L3MBTL3: variants seen among roughly 807,000 people sequenced by gnomAD.
L3MBTL3 encodes the protein L3MBTL histone methyl-lysine binding protein 3.
Under a neutral mutation model 102.3 loss-of-function variants are expected in L3MBTL3, and 27 were observed. That is an observed-to-expected ratio of 0.26 (90% CI 0.19 to 0.36). The LOEUF is 0.36. Among genes scored for constraint, L3MBTL3 ranks in the 10% least tolerant of loss-of-function variants. The probability of loss-of-function intolerance (pLI) is 1.00; values close to 1 mark genes in which losing one functional copy is unlikely to be tolerated. For synonymous variants in L3MBTL3, 340 were observed against 320.9 expected (o/e 1.06, Z -0.64); for missense variants, 798 against 955.3 (o/e 0.84, Z 2.17).
chr6:130,092,658 A>C (rs1484760629), intron 16 of L3MBTL3, 87 bp from the exon 17 acceptor site: 1 of 741,784 alleles, frequency 1.3e-6, no homozygotes, highest in Non-Finnish European at 2.4e-6. Flanking sequence ...ATGTGTTAGA[A>C]TGAAAATGGT....
At chr6:130,119,252 G>T (rs1346817099) in intron 19 of L3MBTL3, among the ~76,000 whole-genome samples, 1 of 152,110 alleles carries the variant, frequency 6.6e-6, no homozygotes, top group Non-Finnish European at 1.5e-5. Context: ...CCAATTTTAA[G>T]TTATATGACT....
rs772047415 is a variant in L3MBTL3 at position 130,055,216 on chromosome 6, C to T, written c.628C>T (p.Arg210Trp). 9 of 1,613,528 alleles carry T rather than the reference C, an allele frequency of 5.6e-6. No homozygotes were observed. Among genetic ancestry groups the T allele is most frequent in the East Asian group, 2.2e-5 (1 of 44,846 alleles). ...VRILRGSQRARRKRRGDSAVL... is the reference protein window; with the variant it reads ...VRILRGSQRAWRKRRGDSAVL... ...AATCCTGAGGGGTTCGCAGAGAGCACGGAGGAAAAGACGAGGGGATTCGGC... is the reference window on the plus strand; with the variant it reads ...AATCCTGAGGGGTTCGCAGAGAGCATGGAGGAAAAGACGAGGGGATTCGGC... The change falls in exon 8 of 23, where the codon CGG becomes TGG. Residue 210 changes from arginine to tryptophan, a missense_variant. Physicochemically the swap from Arg to Trp is moderately radical, Grantham distance 101. Around this residue, in one of 4 missense-constraint regions of L3MBTL3, gnomAD observed 434 missense variants for 506.6 expected, o/e 0.86. Coordinates refer to ENST00000361794, the MANE Select transcript of L3MBTL3 (RefSeq NM_032438.4).
chr6:130,024,602 A>T (rs1029249982), intron 2 of L3MBTL3, among the ~76,000 whole-genome samples: 7 of 152,128 alleles, frequency 4.6e-5, no homozygotes, highest in African/African-American at 1.4e-4. Flanking sequence ...TGCAGTTAGG[A>T]TGGGGAATTT....
intron 19 of L3MBTL3, among the ~76,000 whole-genome samples, chr6:130,111,237 A>G (rs1242368090): frequency 6.6e-6 from 1 of 152,240 alleles, no homozygotes; most frequent in African/African-American, 2.4e-5. Context: ...CATGGACAGC[A>G]GGAACACAGA....
At chr6:130,091,094 TATA>T (rs1358326391) in intron 16 of L3MBTL3, among the ~76,000 whole-genome samples, 3 of 152,208 alleles carry the variant, frequency 2.0e-5, no homozygotes, top group Admixed American at 2.0e-4. Flanking sequence ...CATTTTATTT[TATA>T]ATACTTGCCA....
intron 13 of L3MBTL3, among the ~76,000 whole-genome samples, chr6:130,073,107 T>C (rs1197165959): frequency 6.6e-6 from 1 of 152,184 alleles, no homozygotes; most frequent in Non-Finnish European, 1.5e-5. Context: ...TGGTGGTTTT[T>C]GTTTTACTTA....
At chr6:130,121,971 C>T (rs901662369) in intron 20 of L3MBTL3, among the ~76,000 whole-genome samples, 2 of 152,010 alleles carry the variant, frequency 1.3e-5, no homozygotes, top group Non-Finnish European at 2.9e-5. Flanking sequence ...AATTGAACCT[C>T]GGAGGCAGAG....
intron 2 of L3MBTL3, among the ~76,000 whole-genome samples, chr6:130,022,803 G>A (rs1779095282): frequency 6.6e-6 from 1 of 152,180 alleles, no homozygotes; most frequent in Admixed American, 6.5e-5. Context: ...CTTGTGCCAA[G>A]TGCCATGTTG....
intron 13 of L3MBTL3, among the ~76,000 whole-genome samples, chr6:130,073,109 T>G (rs1479378074): frequency 6.6e-6 from 1 of 152,144 alleles, no homozygotes; most frequent in Non-Finnish European, 1.5e-5. Context: ...GTGGTTTTTG[T>G]TTTACTTAAA....
intron 20 of L3MBTL3, among the ~76,000 whole-genome samples, chr6:130,124,748 A>C (rs1786479685): frequency 1.3e-5 from 2 of 152,164 alleles, no homozygotes; most frequent in South Asian, 4.1e-4. Flanking sequence ...AGGCGGGTGG[A>C]TCACCTGAGG....
At chr6:130,075,492 T>G (rs909934581) in intron 13 of L3MBTL3, among the ~76,000 whole-genome samples, 6 of 152,178 alleles carry the variant, frequency 3.9e-5, no homozygotes, top group African/African-American at 1.4e-4. Context: ...TTTAGTTGTC[T>G]TCTGAAAGGG....
chr6:130,020,583 C>CT (rs55941023), intron 1 of L3MBTL3: 111,471 of 151,794 alleles, frequency 0.73, 41,160 homozygotes, highest in East Asian at 0.93. Context: ...GTCTGTCCGT[C>CT]GCGCTCAGAG....
chr6:130,026,006 G>A, intron 2 of L3MBTL3, among the ~76,000 whole-genome samples: 1 of 152,150 alleles, frequency 6.6e-6, no homozygotes, highest in East Asian at 1.9e-4. Context: ...AAGTGTGGGT[G>A]AATGGTAGAT....
At chr6:130,059,375 T>C (rs1718218811) in intron 9 of L3MBTL3, among the ~76,000 whole-genome samples, 1 of 152,246 alleles carries the variant, frequency 6.6e-6, no homozygotes, top group African/African-American at 2.4e-5. Context: ...GATGCTTCTA[T>C]CTGAGTCATG....
At chr6:130,096,408 C>G (rs1290132049) in intron 18 of L3MBTL3, among the ~76,000 whole-genome samples, 3 of 152,104 alleles carry the variant, frequency 2.0e-5, no homozygotes, top group African/African-American at 4.8e-5. Flanking sequence ...AGAATTTGTT[C>G]AAGTTGTGAA....
intron 20 of L3MBTL3, among the ~76,000 whole-genome samples, chr6:130,128,181 G>A (rs1461411467): frequency 1.3e-5 from 2 of 152,104 alleles, no homozygotes; most frequent in Non-Finnish European, 2.9e-5. Context: ...GTAAACTTTA[G>A]TAGTGATTAG....
At chr6:130,053,984 TGA>T (rs1781286051) in intron 7 of L3MBTL3, among the ~76,000 whole-genome samples, 1 of 152,214 alleles carries the variant, frequency 6.6e-6, no homozygotes, top group Non-Finnish European at 1.5e-5. Context: ...TGTCACCTAG[TGA>T]TAAGTGCTAC....
chr6:130,072,918 A>G (rs190710922), intron 13 of L3MBTL3, among the ~76,000 whole-genome samples: 73 of 152,244 alleles, frequency 4.8e-4, no homozygotes, highest in Admixed American at 3.1e-3. Context: ...CGTTTAATTT[A>G]CAGATACCTA....
chr6:130,102,417 C>G (rs538808730), intron 18 of L3MBTL3, among the ~76,000 whole-genome samples: 1 of 152,180 alleles, frequency 6.6e-6, no homozygotes, highest in Admixed American at 6.5e-5. Context: ...AGTTCTGTCC[C>G]TTGAAATCTT....
Sources: allele counts gnomAD v4.1 joint callset (sites outside exome capture counted in the v4.1 genomes callset), GRCh38; gene constraint gnomAD v4.1.1; regional missense constraint gnomAD v4.1.1; transcripts MANE v1.5; gene names NCBI Gene and HGNC (gene_info 2026-07-23, HGNC 2026-07-21).